C8G: variants seen among roughly 807,000 people sequenced by gnomAD.
C8G encodes the protein complement component C8 gamma chain.
A neutral mutation model predicts 29.1 loss-of-function variants in C8G; 38 were observed. The observed-to-expected ratio is 1.31, with a 90% CI of 1.01 to 1.71. The LOEUF is 1.71. Ranked by LOEUF, C8G falls within the 40% of genes most tolerant of loss-of-function variation. C8G has a pLI of 0.00. For synonymous variants in C8G, 158 were observed against 113.2 expected, an observed-to-expected ratio of 1.40 and a Z score of -2.51; for missense variants, 300 against 267.4, an observed-to-expected ratio of 1.12 and a Z score of -0.85.
intron 1 of C8G, 78 bp downstream of exon 1, chr9:136,945,536 G>C: frequency 2.6e-6 from 4 of 1,547,510 alleles, no homozygotes; most frequent in Non-Finnish European, 2.6e-6. Context: ...AGTTGTTGCG[G>C]GGGAGAGGGA....
At chr9:136,945,495 G>A (rs7034646) in intron 1 of C8G, 37 bp downstream of exon 1, 217,515 of 1,552,146 alleles carry the variant, frequency 0.14, 16,362 homozygotes, top group African/African-American at 0.19. Flanking sequence ...GCAGGTAGAA[G>A]TTGTGGGAGG....
Position 136,945,666 on chromosome 9 carries a change from C to A in C8G, c.171C>A (p.Gly57=), listed in dbSNP as rs1284428772. The A allele has an allele frequency of 2.5e-6, 4 of 1,608,352 alleles. No individual in the cohort carries two copies. Among genetic ancestry groups the A allele is most frequent in the South Asian group, 2.2e-5 (2 of 90,604 alleles). The change falls in exon 2 of 7, where the codon GGC becomes GGA. Residue 57 remains glycine (G), a synonymous_variant. Transcript: ENST00000371634. ...GGACCTGGCTCCTTGTGGCTGTGGG[C>A]TCCGCTTGCCGTTTCCTGCAGGAGC... ...FAGTWLLVAV[G]SACRFLQEQG... is the part of the protein sequence containing the mutation.
rs753105684 is a variant in C8G at position 136,945,918 on chromosome 9, C to T, written c.276-11C>T. On this transcript the variant is annotated splice_polypyrimidine_tract_variant and intron_variant, in intron 2 of 6. Transcript: ENST00000371634. ...CTCCCAGCCTGTGGTGCCTCCTCCC[C>T]GCCCCCCCAGGGATGGGATCTGCTG... 126 of 1,555,034 alleles carry T rather than the reference C, an allele frequency of 8.1e-5. No individual in the cohort carries two copies. The highest frequency in any genetic ancestry group is 3.5e-4 in the South Asian group (30 of 84,564).
rs371494482 is a variant in C8G at position 136,945,563 on chromosome 9, G to A, written c.139-71G>A. 1.2e-4 allele frequency: 195 copies of A among 1,569,964 alleles called. 2 individuals carry two copies. The East Asian group carries it at 3.3e-3, about 27-fold the overall frequency. ...GGAGAGGGAAGCAGGTGAAGTTGTG[G>A]GGGGTGTAGAGGGAAGCAGGTGAGG... On this transcript the variant is annotated intron_variant, in intron 1 of 6. Transcript: ENST00000371634.
chr9:136,946,484 C>T lies in C8G; in HGVS notation c.474C>T (p.Ser158=), dbSNP rs200478589. The T allele has an allele frequency of 1.4e-5, 22 of 1,610,096 alleles. No individual in the cohort carries two copies. The highest frequency in any genetic ancestry group is 1.7e-5 in the Admixed American group (1 of 59,700). ...CTGCAGCCCGCTCGCTCCCTGTGAG[C>T]GACTCGGTCCTGAGTGGGTTTGAGC... The part of the protein sequence containing the change: ...VKLYARSLPV[S]DSVLSGFEQR... The change falls in exon 5 of 7, where the codon AGC becomes AGT. Residue 158 remains serine, a synonymous_variant. Coordinates refer to ENST00000371634, the MANE Select transcript of C8G (RefSeq NM_000606.3).
In C8G at chr9:136,946,135, C is replaced by G. The variant is rs540205270; in HGVS notation, c.397C>G (p.Gln133Glu). Residue 133 changes from glutamine (Q) to glutamate (E), a missense_variant, in exon 4 of 7, where the codon CAG (glutamine) becomes GAG (glutamate). Coordinates refer to ENST00000371634, the MANE Select transcript of C8G (RefSeq NM_000606.3). ...VHVVVAETDY[Q>E]SFAVLYLERA... ...CGTGGTTGTCGCTGAGACCGACTAC[C>G]AGAGTTTCGCTGTCCTGTACCTGGA... 6.3e-7 allele frequency: 1 copy of G among 1,584,250 alleles called. No homozygotes were observed. The highest frequency in any genetic ancestry group is 8.6e-7 in the Non-Finnish European group (1 of 1,162,254).
At position 136,945,347 on chromosome 9, in the gene C8G, C is replaced by T; in HGVS notation, c.27C>T (p.Leu9=). ...TGCTGCCCCCTGGGACTGCGACCCT[C>T]TTGACTCTGCTCCTGGCAGCTGGCT... The part of the protein sequence containing the change: MLPPGTAT[L]LTLLLAAGSL... Residue 9 remains leucine, a synonymous_variant, in exon 1 of 7, where the codon CTC becomes CTT. Transcript: ENST00000371634. The T allele has an allele frequency of 6.2e-7, 1 of 1,612,934 alleles. No individual in the cohort carries two copies. Among genetic ancestry groups the T allele is most frequent in the Non-Finnish European group, 8.5e-7 (1 of 1,179,876 alleles).
At position 136,945,773 on chromosome 9, in the gene C8G, G is replaced by A; in HGVS notation, c.275+3G>A. The A allele has an allele frequency of 3.2e-6, 5 of 1,550,618 alleles. No individual in the cohort carries two copies. The highest frequency in any genetic ancestry group is 4.4e-6 in the Non-Finnish European group (5 of 1,148,912). ...GCTGTCAGTACCTTCCGAAAGCTGTGAGTCCCAGAGCAGCCCTGCACCCTA... is the reference window on the plus strand; with the variant it reads ...GCTGTCAGTACCTTCCGAAAGCTGTAAGTCCCAGAGCAGCCCTGCACCCTA... On this transcript the variant is annotated splice_donor_region_variant and intron_variant, in intron 2 of 6. Coordinates refer to ENST00000371634, the MANE Select transcript of C8G (RefSeq NM_000606.3).
Position 136,946,805 on chromosome 9 carries a change from G to A in C8G, c.*24G>A, listed in dbSNP as rs1289817699. The A allele has an allele frequency of 6.4e-7, 1 of 1,562,698 alleles. No individual in the cohort carries two copies. The highest frequency in any genetic ancestry group is 8.6e-7 in the Non-Finnish European group (1 of 1,159,218). ...GAGGCCGGCACACAGCTCCAGTGCT[G>A]AGAAGTCAGTGCCCCGAGAGACGAC... On this transcript the variant is annotated 3_prime_UTR_variant, in exon 7 of 7. Coordinates refer to ENST00000371634, the MANE Select transcript of C8G (RefSeq NM_000606.3).
In C8G at chr9:136,946,110, C is replaced by T. The variant is rs1260576048; in HGVS notation, c.372C>T (p.His124=). The change falls in exon 4 of 7, where the codon CAC becomes CAT. Residue 124 remains histidine (H), a synonymous_variant. Coordinates refer to ENST00000371634, the MANE Select transcript of C8G (RefSeq NM_000606.3). ...CCCGAGACGCCCGAGGGGCTGTGCA[C>T]GTGGTTGTCGCTGAGACCGACTACC... ...LQARDARGAV[H]VVVAETDYQS... The T allele has an allele frequency of 6.9e-6, 11 of 1,595,598 alleles. No homozygotes were observed. Among genetic ancestry groups the T allele is most frequent in the Non-Finnish European group, 9.4e-6 (11 of 1,168,880 alleles).
rs1365323642 is a variant in C8G at position 136,945,356 on chromosome 9, G to A, written c.36G>A (p.Leu12=). The change falls in exon 1 of 7, where the codon CTG becomes CTA. Residue 12 remains leucine (L), a synonymous_variant. Transcript: ENST00000371634. Reference sequence around the variant, plus strand: ...CTGGGACTGCGACCCTCTTGACTCTGCTCCTGGCAGCTGGCTCGCTGGGCC... The same window carrying A: ...CTGGGACTGCGACCCTCTTGACTCTACTCCTGGCAGCTGGCTCGCTGGGCC... ...LPPGTATLLT[L]LLAAGSLGQK... is the part of the protein sequence containing the mutation. The A allele has an allele frequency of 1.2e-6, 2 of 1,612,864 alleles. No individual in the cohort carries two copies. The highest frequency in any genetic ancestry group is 1.7e-6 in the Non-Finnish European group (2 of 1,179,926).
rs1334587723 is a variant in C8G, at chr9:136,946,801, T to C, written c.*20T>C. 9 of 1,565,972 alleles carry C rather than the reference T, an allele frequency of 5.7e-6. No individual in the cohort carries two copies. Among genetic ancestry groups the C allele is most frequent in the Non-Finnish European group, 1.7e-6 (2 of 1,160,894 alleles). ...AGGTGAGGCCGGCACACAGCTCCAGTGCTGAGAAGTCAGTGCCCCGAGAGA... is the reference window on the plus strand; with the variant it reads ...AGGTGAGGCCGGCACACAGCTCCAGCGCTGAGAAGTCAGTGCCCCGAGAGA... On this transcript the variant is annotated 3_prime_UTR_variant, in exon 7 of 7. Coordinates refer to ENST00000371634, the MANE Select transcript of C8G (RefSeq NM_000606.3).
intron 4 of C8G, 136 bp from the exon 5 acceptor site, chr9:136,946,329 C>T (rs1166585840): frequency 1.6e-5 from 22 of 1,391,304 alleles, no homozygotes; most frequent in Non-Finnish European, 2.1e-5. Flanking sequence ...AGCAGGGGCC[C>T]AGGGAGTAGT....
chr9:136,945,979 T>TCGGC lies in C8G; in HGVS notation c.329_332dup (p.Phe112ProfsTer19). 6.3e-7 allele frequency: 1 copy of TCGGC among 1,577,288 alleles called. No individual in the cohort carries two copies. Among genetic ancestry groups the TCGGC allele is most frequent in the Non-Finnish European group, 8.6e-7 (1 of 1,161,702 alleles). ...CAGCTCTATGGAGACACAGGGGTCC[T>TCGGC]CGGCCGCTTCCTGCTTCAAGGTGAG... On this transcript the variant is annotated frameshift_variant, in exon 3 of 7. Coordinates refer to ENST00000371634, the MANE Select transcript of C8G (RefSeq NM_000606.3). LOFTEE classifies it high-confidence loss of function.
At chr9:136,945,854 A>AC in intron 2 of C8G, 75 bp from the exon 3 acceptor site, 1 of 1,541,048 alleles carries the variant, frequency 6.5e-7, no homozygotes, top group Non-Finnish European at 8.8e-7. Context: ...CCCTGACCCC[A>AC]CCCCGGCTGT....
Position 136,946,925 on chromosome 9 carries a change from C to T in C8G, c.*144C>T. ...GCAGGGGATCTTCTGCCGGCTGCCC[C>T]AGAGGACAGTGGGTGGAGTGGTACC... On this transcript the variant is annotated 3_prime_UTR_variant, in exon 7 of 7. Transcript: ENST00000371634. The T allele has an allele frequency of 9.7e-7, 1 of 1,034,572 alleles. No homozygotes were observed. Among genetic ancestry groups the T allele is most frequent in the Non-Finnish European group, 1.4e-6 (1 of 693,100 alleles). 64.1% of individuals were successfully genotyped at this position (1,034,572 alleles called of 1,614,324 possible). A position where few individuals can be genotyped will look rare whatever the true frequency, so the allele number is the denominator to read the frequency against.
At position 136,945,255 on chromosome 9, in the gene C8G, T is replaced by C. The variant is rs1850991017; in HGVS notation, c.-66T>C. On this transcript the variant is annotated 5_prime_UTR_variant, in exon 1 of 7. Coordinates refer to ENST00000371634, the MANE Select transcript of C8G (RefSeq NM_000606.3). ...TGGGCTCTGTGACAGCAGAGTAGACTCTGTCCTGGGACTTGGTGGTGCTAC... is the reference window on the plus strand; with the variant it reads ...TGGGCTCTGTGACAGCAGAGTAGACCCTGTCCTGGGACTTGGTGGTGCTAC... 1 of 1,522,678 alleles carries C rather than the reference T, an allele frequency of 6.6e-7. No homozygotes were observed. The highest frequency in any genetic ancestry group is 2.0e-5 in the Admixed American group (1 of 49,056). 94.3% of individuals were successfully genotyped at this position (1,522,678 alleles called of 1,614,324 possible).
Position 136,946,575 on chromosome 9 carries a change from C to T in C8G, c.556+9C>T, listed in dbSNP as rs1322590961. On this transcript the variant is annotated intron_variant, in intron 5 of 6. Coordinates refer to ENST00000371634, the MANE Select transcript of C8G (RefSeq NM_000606.3). ...CTACTTCCCCAAGTACGGTGAGTGT[C>T]CCCAGCAGGTCCCCAGCTCAGCCAC... 1 of 1,612,682 alleles carries T rather than the reference C, an allele frequency of 6.2e-7. No individual in the cohort carries two copies. Among genetic ancestry groups the T allele is most frequent in the East Asian group, 2.2e-5 (1 of 44,876 alleles).
Position 136,945,451 on chromosome 9 carries a change from CTCA to C in C8G, c.132_134del (p.Gln46del), listed in dbSNP as rs1851000443. On this transcript the variant is annotated inframe_deletion, in exon 1 of 7. Transcript: ENST00000371634. ...ATCCAGCCCAAGGCCAATTTTGATG[CTCA>C]GCAGGTAGAAGTTGGGGGGGGTAGA... is the stretch of plus-strand genomic sequence containing the variant. 8.3e-6 allele frequency: 13 copies of C among 1,574,154 alleles called. No individual in the cohort carries two copies. The highest frequency in any genetic ancestry group is 3.3e-4 in the Middle Eastern group (2 of 6,032).
Sources: gnomAD v4.1 joint callset for allele counts on GRCh38, gnomAD v4.1.1 for gene constraint, MANE v1.5 for transcripts, NCBI Gene and HGNC (gene_info 2026-07-23, HGNC 2026-07-21) for gene names.